CSMD1: variants seen among roughly 807,000 people sequenced by gnomAD.
CSMD1 encodes the protein CUB and sushi domain-containing protein 1.
Under a neutral mutation model 417.5 loss-of-function variants are expected in CSMD1, and 213 were observed. The observed-to-expected ratio is 0.51, with a 90% CI of 0.46 to 0.57. The LOEUF is 0.57. Among genes scored for constraint, CSMD1 ranks in the 20% least tolerant of loss-of-function variants. CSMD1 has a pLI of 0.00. For missense variants in CSMD1, 6,923 were observed against 4,529.7 expected, an observed-to-expected ratio of 1.53 and a Z score of -15.17; for synonymous variants, 2,862 against 1,736.8, an observed-to-expected ratio of 1.65 and a Z score of -16.11.
intron 5 of CSMD1, among the ~76,000 whole-genome samples, chr8:3,978,572 G>A (rs998941745): frequency 1.3e-5 from 2 of 152,020 alleles, no homozygotes; most frequent in African/African-American, 2.4e-5. Context: ...ATCCTCATAG[G>A]GTCTAATGAA....
At chr8:4,301,008 C>G (rs1797953727) in intron 3 of CSMD1, among the ~76,000 whole-genome samples, 1 of 152,048 alleles carries the variant, frequency 6.6e-6, no homozygotes, top group Admixed American at 6.6e-5. Flanking sequence ...GTGCATGTGT[C>G]TTTATAGCAG....
At position 4,756,837 on chromosome 8, in the gene CSMD1, C is replaced by T. The variant is rs144978929; in HGVS notation, c.86-119279G>A. Among the ~76,000 whole-genome samples, 492 of 152,302 alleles carry T rather than the reference C, an allele frequency of 3.2e-3. 1 individual carries two copies. Among genetic ancestry groups the T allele is most frequent in the Non-Finnish European group, 5.3e-3 (363 of 68,020 alleles). On this transcript the variant is annotated intron_variant, in intron 1 of 69. Coordinates refer to ENST00000635120, the MANE Select transcript of CSMD1 (RefSeq NM_033225.6). ...ATAGAAGAGCTGGGCCCAGGTATAA[C>T]ACAGTGACTGAAAAAGGGTGGACTT...
At chr8:3,073,086 A>G (rs1813422500) in intron 49 of CSMD1, among the ~76,000 whole-genome samples, 1 of 152,240 alleles carries the variant, frequency 6.6e-6, no homozygotes, top group South Asian at 2.1e-4. Context: ...GTTAGTTAAA[A>G]TGATGCTAAA....
Position 4,870,165 on chromosome 8 carries a change from G to T in CSMD1, c.85+124167C>A, listed in dbSNP as rs186081899. On this transcript the variant is annotated intron_variant, in intron 1 of 69. Transcript: ENST00000635120. ...TACTTATAAAATGTTTAAACATCATGGAAATTTATAAAGTAAATAATGAAA... is the reference window on the plus strand; with the variant it reads ...TACTTATAAAATGTTTAAACATCATTGAAATTTATAAAGTAAATAATGAAA... Among the ~76,000 whole-genome samples the T allele has an allele frequency of 1.6e-3, 249 of 152,124 alleles. 1 individual carries two copies. The highest frequency in any genetic ancestry group is 5.8e-3 in the African/African-American group (240 of 41,456).
chr8:4,307,488 A>G (rs1798312156), intron 3 of CSMD1, among the ~76,000 whole-genome samples: 2 of 152,172 alleles, frequency 1.3e-5, no homozygotes, highest in Admixed American at 6.5e-5. Flanking sequence ...TTAACAGGAA[A>G]TAAAACTTCA....
At chr8:4,624,239 C>T (rs986103370) in intron 2 of CSMD1, among the ~76,000 whole-genome samples, 5 of 152,098 alleles carry the variant, frequency 3.3e-5, no homozygotes, top group South Asian at 4.1e-4. Context: ...CGTGCAAGTA[C>T]ACTTCCGGTA....
At chr8:3,708,580 G>A (rs1403127739) in intron 6 of CSMD1, 89 bp from the exon 7 acceptor site, 11 of 1,102,980 alleles carry the variant, frequency 1.0e-5, no homozygotes, top group Middle Eastern at 2.0e-4. Context: ...AGTCATAACT[G>A]CTTTCTATCA....
chr8:3,936,755 G>A (rs1810526694), intron 5 of CSMD1, among the ~76,000 whole-genome samples: 1 of 152,154 alleles, frequency 6.6e-6, no homozygotes, highest in Non-Finnish European at 1.5e-5. Context: ...CCATTCTGCA[G>A]CCCAAGAAAC....
chr8:3,969,256 T>C (rs1204099194), intron 5 of CSMD1, among the ~76,000 whole-genome samples: 7 of 151,930 alleles, frequency 4.6e-5, no homozygotes, highest in African/African-American at 1.5e-4. Flanking sequence ...TCTCGATAAA[T>C]AAAGATAAAA....
chr8:3,418,497 T>G (rs1813296494), intron 12 of CSMD1, among the ~76,000 whole-genome samples: 1 of 152,010 alleles, frequency 6.6e-6, no homozygotes, highest in African/African-American at 2.4e-5. Context: ...AATCATGGAG[T>G]CATATTTACT....
intron 5 of CSMD1, among the ~76,000 whole-genome samples, chr8:3,779,443 G>T (rs928763459): frequency 6.6e-6 from 1 of 152,186 alleles, no homozygotes. Context: ...CGTTTAAGTT[G>T]TCATTTTAAA....
intron 2 of CSMD1, among the ~76,000 whole-genome samples, chr8:4,484,712 G>A (rs1382050785): frequency 2.6e-5 from 4 of 152,074 alleles, no homozygotes; most frequent in Non-Finnish European, 5.9e-5. Flanking sequence ...GCTCACGCCT[G>A]TAATCTCAGC....
chr8:4,616,264 A>T (rs1057183512), intron 2 of CSMD1, among the ~76,000 whole-genome samples: 4 of 152,192 alleles, frequency 2.6e-5, no homozygotes, highest in African/African-American at 9.6e-5. Flanking sequence ...ATGGTTTACC[A>T]ATTGTACAAG....
chr8:2,939,556 C>T (rs1263789754), intron 69 of CSMD1, among the ~76,000 whole-genome samples: 2 of 152,240 alleles, frequency 1.3e-5, no homozygotes, highest in East Asian at 3.9e-4. Flanking sequence ...TTTCCTTATT[C>T]CAGAAGAAAT....
At chr8:3,095,707 A>G (rs566076096) in intron 47 of CSMD1, among the ~76,000 whole-genome samples, 15 of 152,322 alleles carry the variant, frequency 9.8e-5, no homozygotes, top group African/African-American at 3.6e-4. Flanking sequence ...CAAATCTTTC[A>G]AAATATGTGA....
At chr8:3,105,737 C>T (rs1010187289) in intron 46 of CSMD1, among the ~76,000 whole-genome samples, 10 of 152,106 alleles carry the variant, frequency 6.6e-5, no homozygotes, top group African/African-American at 2.4e-4. Context: ...TATATGCATG[C>T]TGAGGTATTT....
chr8:4,960,594 C>T (rs550945259), intron 1 of CSMD1, among the ~76,000 whole-genome samples: 4 of 152,250 alleles, frequency 2.6e-5, no homozygotes, highest in African/African-American at 7.2e-5. Context: ...TAGAATAATG[C>T]CAGTGCATAC....
At chr8:4,818,589 A>G (rs756284345) in intron 1 of CSMD1, among the ~76,000 whole-genome samples, 4 of 152,202 alleles carry the variant, frequency 2.6e-5, no homozygotes, top group Admixed American at 6.5e-5. Context: ...CTGATAAATC[A>G]TGTGTCAGGC....
chr8:3,758,481 T>G (rs1313993566), intron 5 of CSMD1, among the ~76,000 whole-genome samples: 1 of 152,226 alleles, frequency 6.6e-6, no homozygotes, highest in Non-Finnish European at 1.5e-5. Flanking sequence ...GCCTTAGAAC[T>G]GTGTTGTTAT....
Sources: gnomAD v4.1 joint callset for allele counts (sites outside exome capture counted in the v4.1 genomes callset) on GRCh38, gnomAD v4.1.1 for gene constraint, MANE v1.5 for transcripts, NCBI Gene and HGNC (gene_info 2026-07-23, HGNC 2026-07-21) for gene names.